Variants in SIPA1L2 observed in about 807,000 individuals in gnomAD.
The protein encoded by SIPA1L2 is signal induced proliferation associated 1 like 2.
SIPA1L2 carries 56 observed loss-of-function variants against 163.9 expected under a neutral mutation model. The ratio of observed to expected loss-of-function variants is 0.34; its 90% CI spans 0.28 to 0.43. The LOEUF (loss-of-function observed/expected upper bound fraction) is 0.43. Among genes scored for constraint, SIPA1L2 ranks in the 20% least tolerant of loss-of-function variants. The pLI is 1.00. For missense variants in SIPA1L2, 1,974 were observed against 2,193.5 expected, an observed-to-expected ratio of 0.90 and a Z score of 2.00; for synonymous variants, 877 against 865.7, an observed-to-expected ratio of 1.01 and a Z score of -0.23.
intron 3 of SIPA1L2, 98 bp from the exon 4 acceptor site, chr1:232,493,758 A>G: frequency 6.9e-7 from 1 of 1,451,118 alleles, no homozygotes; most frequent in Non-Finnish European, 9.5e-7. Flanking sequence ...CTGAAGAAAT[A>G]CCACATAGCT....
chr1:232,480,109 G>T (rs57653635), intron 6 of SIPA1L2, among the ~76,000 whole-genome samples: 43 of 152,046 alleles, frequency 2.8e-4, no homozygotes, highest in African/African-American at 1.0e-3. Context: ...TCTGAAGGGC[G>T]TGACAAACTG....
At chr1:232,551,173 G>A (rs1297455533) in intron 2 of SIPA1L2, among the ~76,000 whole-genome samples, 1 of 152,204 alleles carries the variant, frequency 6.6e-6, no homozygotes, top group Non-Finnish European at 1.5e-5. Context: ...TGAGATAGCA[G>A]AATGCATGTG....
chr1:232,526,460 T>C (rs184517147), intron 2 of SIPA1L2, among the ~76,000 whole-genome samples: 3 of 152,182 alleles, frequency 2.0e-5, no homozygotes, highest in Non-Finnish European at 4.4e-5. Context: ...CATGAGACAT[T>C]AGAGTGCTCA....
At chr1:232,597,321 T>C (rs12046029) in intron 1 of SIPA1L2, among the ~76,000 whole-genome samples, 151,536 of 152,164 alleles carry the variant, frequency 1, 75,458 homozygotes, top group Middle Eastern at 1. Context: ...AGTGAACTGG[T>C]AGAGGCCAGG....
chr1:232,403,624 C>A, intron 20 of SIPA1L2, 53 bp from the exon 21 acceptor site: 1 of 1,542,260 alleles, frequency 6.5e-7, no homozygotes, highest in Non-Finnish European at 8.7e-7. Flanking sequence ...CAATGCAAGG[C>A]AATGTTTCTT....
chr1:232,477,014 T>A (rs1312750115), intron 7 of SIPA1L2, among the ~76,000 whole-genome samples: 1 of 152,164 alleles, frequency 6.6e-6, no homozygotes, highest in Admixed American at 6.5e-5. Flanking sequence ...ACATAATTTG[T>A]GGGCATGGAT....
intron 21 of SIPA1L2, 159 bp from the exon 22 acceptor site, chr1:232,402,632 A>G: frequency 1.8e-6 from 1 of 549,860 alleles, no homozygotes. Context: ...TTGCTGATCT[A>G]GTGGAAAGCC....
chr1:232,480,839 T>C (rs905503030), intron 6 of SIPA1L2, among the ~76,000 whole-genome samples: 3 of 152,226 alleles, frequency 2.0e-5, no homozygotes, highest in Non-Finnish European at 4.4e-5. Flanking sequence ...TCTAAATTTT[T>C]ACTTTAAAAA....
chr1:232,491,014 C>A lies in SIPA1L2; in HGVS notation c.1666G>T (p.Ala556Ser). ...AILEDAIPST[A>S]RHGTARGLPL... The stretch of plus-strand genomic sequence containing the variant: ...AGTCCTCGTGCGGTACCATGCCTAG[C>A]AGTAGAGGGTATAGCATCTTCTAAA... The change falls in exon 5 of 23, where the codon GCT (alanine) becomes TCT (serine). Residue 556 changes from alanine (A) to serine (S), a missense_variant. Physicochemically the swap from Ala to Ser is moderately conservative, Grantham distance 99 (BLOSUM62 1). Around this residue, in one of 3 missense-constraint regions of SIPA1L2, gnomAD observed 288 missense variants for 418.9 expected, o/e 0.69. Coordinates refer to ENST00000674635, the MANE Select transcript of SIPA1L2 (RefSeq NM_020808.5). The A allele has an allele frequency of 6.2e-7, 1 of 1,614,100 alleles. No homozygotes were observed. Among genetic ancestry groups the A allele is most frequent in the Middle Eastern group, 1.6e-4 (1 of 6,062 alleles).
intron 2 of SIPA1L2, among the ~76,000 whole-genome samples, chr1:232,568,821 CCTA>C (rs1452596269): frequency 6.6e-6 from 1 of 152,186 alleles, no homozygotes; most frequent in Admixed American, 6.5e-5. Flanking sequence ...GTATTGAGTG[CCTA>C]CAACATGCCA....
chr1:232,404,030 CAG>C, intron 20 of SIPA1L2, 93 bp downstream of exon 20: 1 of 1,409,656 alleles, frequency 7.1e-7, no homozygotes, highest in Non-Finnish European at 1.0e-6. Flanking sequence ...CCCCAACCCT[CAG>C]GGCGTGAATA....
At chr1:232,485,686 T>G (rs1665611352) in intron 5 of SIPA1L2, among the ~76,000 whole-genome samples, 1 of 152,188 alleles carries the variant, frequency 6.6e-6, no homozygotes, top group Non-Finnish European at 1.5e-5. Context: ...CATCTGTGAT[T>G]GTTGGAATCT....
At chr1:232,423,335 T>C (rs953240798) in intron 18 of SIPA1L2, among the ~76,000 whole-genome samples, 1 of 152,170 alleles carries the variant, frequency 6.6e-6, no homozygotes, top group Non-Finnish European at 1.5e-5. Flanking sequence ...TATAATCACA[T>C]AGGCGATTGT....
At chr1:232,617,363 G>C (rs1038644939) in intron 1 of SIPA1L2, among the ~76,000 whole-genome samples, 1 of 152,164 alleles carries the variant, frequency 6.6e-6, no homozygotes, top group Non-Finnish European at 1.5e-5. Flanking sequence ...TCACACCCCT[G>C]TAAGGAAAAG....
intron 8 of SIPA1L2, among the ~76,000 whole-genome samples, chr1:232,466,678 C>T (rs1348830752): frequency 6.6e-6 from 1 of 152,118 alleles, no homozygotes; most frequent in Admixed American, 6.5e-5. Context: ...GTAGTCCCAG[C>T]TACTCAGGAG....
At position 232,475,254 on chromosome 1, in the gene SIPA1L2, C is replaced by G. The variant is rs535851345; in HGVS notation, c.2086-3726G>C. On this transcript the variant is annotated intron_variant, in intron 7 of 22. Coordinates refer to ENST00000674635, the MANE Select transcript of SIPA1L2 (RefSeq NM_020808.5). Reference sequence around the variant, plus strand: ...TTACCATATAGACAGCGTCTTGTCCCTCCTACAGAACAACTGGTTCCCACC... The same window carrying G: ...TTACCATATAGACAGCGTCTTGTCCGTCCTACAGAACAACTGGTTCCCACC... Among the ~76,000 whole-genome samples, 30 of 152,282 alleles carry G rather than the reference C, an allele frequency of 2.0e-4. No homozygotes were observed. The South Asian group carries it at 4.8e-3, about 24-fold the overall frequency.
intron 1 of SIPA1L2, among the ~76,000 whole-genome samples, chr1:232,627,509 C>A (rs1302541961): frequency 1.3e-5 from 2 of 151,892 alleles, no homozygotes; most frequent in Admixed American, 1.3e-4. Context: ...AAACACCATC[C>A]CAGTCTTGCG....
At chr1:232,512,067 T>C (rs1456986735) in intron 3 of SIPA1L2, among the ~76,000 whole-genome samples, 6 of 152,162 alleles carry the variant, frequency 3.9e-5, no homozygotes, top group Non-Finnish European at 8.8e-5. Context: ...GCAAAGGATA[T>C]GAACAGACAC....
chr1:232,580,514 A>T (rs965188558), intron 1 of SIPA1L2, among the ~76,000 whole-genome samples: 1 of 152,144 alleles, frequency 6.6e-6, no homozygotes, highest in East Asian at 1.9e-4. Context: ...AAAATGCCTG[A>T]CAGGAGCATG....
Sources: allele counts gnomAD v4.1 joint callset (sites outside exome capture counted in the v4.1 genomes callset), GRCh38; gene constraint gnomAD v4.1.1; regional missense constraint gnomAD v4.1.1; transcripts MANE v1.5; gene names NCBI Gene and HGNC (gene_info 2026-07-23, HGNC 2026-07-21).